Variants in PPP6R2 observed in about 807,000 individuals in gnomAD.
The protein encoded by PPP6R2 is serine/threonine-protein phosphatase 6 regulatory subunit 2.
PPP6R2 carries 62 observed loss-of-function variants against 100.2 expected under a neutral mutation model. The ratio of observed to expected loss-of-function variants is 0.62; its 90% CI spans 0.50 to 0.76. PPP6R2 has a LOEUF of 0.76. Ranked by LOEUF, PPP6R2 falls within the 30% of genes least tolerant of loss-of-function variation. PPP6R2 has a pLI of 0.00. For missense variants in PPP6R2, 1,142 were observed against 1,276.3 expected, an observed-to-expected ratio of 0.89 and a Z score of 1.60; for synonymous variants, 525 against 514.7, an observed-to-expected ratio of 1.02 and a Z score of -0.27.
chr22:50,418,431 G>A (rs907039250), intron 6 of PPP6R2, among the ~76,000 whole-genome samples: 1 of 151,628 alleles, frequency 6.6e-6, no homozygotes, highest in Non-Finnish European at 1.5e-5. Context: ...TGTCACCCAG[G>A]CTGGAGTGCA....
intron 22 of PPP6R2, among the ~76,000 whole-genome samples, chr22:50,442,696 T>C (rs990620418): frequency 1.2e-4 from 18 of 152,084 alleles, no homozygotes; most frequent in South Asian, 6.2e-4. Context: ...ACTACAGGCA[T>C]CCGCCACCAC....
intron 1 of PPP6R2, among the ~76,000 whole-genome samples, chr22:50,359,892 G>A (rs771421249): frequency 3.9e-5 from 6 of 152,154 alleles, no homozygotes; most frequent in Non-Finnish European, 7.4e-5. Flanking sequence ...ATTTCTATCC[G>A]GGATTATTTT....
the PPP6R2 span, among the ~76,000 whole-genome samples, chr22:50,337,312 GCCTGCAT>G: frequency 7.4e-6 from 1 of 135,870 alleles, no homozygotes; most frequent in African/African-American, 2.8e-5. Flanking sequence ...GTGTGTGTGC[GCCTGCAT>G]GTGTGTGTGG....
At chr22:50,439,892 G>T in intron 20 of PPP6R2, 35 bp downstream of exon 20, 3 of 1,608,036 alleles carry the variant, frequency 1.9e-6, no homozygotes, top group Non-Finnish European at 2.6e-6. Flanking sequence ...GGCTGTGCCA[G>T]GAAGTGCCTG....
rs1011282390 is a variant in PPP6R2, at chr22:50,423,729, G to A, written c.1125+115G>A. 4 of 1,335,232 alleles carry A rather than the reference G, an allele frequency of 3.0e-6. No homozygotes were observed. Among genetic ancestry groups the A allele is most frequent in the Middle Eastern group, 2.0e-4 (1 of 5,038 alleles). 82.7% of individuals were successfully genotyped at this position (1,335,232 alleles called of 1,614,324 possible). ...GCATTTGGACAAAGCTCTGCCACGG[G>A]GAGGTTCCAGTCCCAAGTCCCAAGG... On this transcript the variant is annotated intron_variant, in intron 10 of 23. Coordinates refer to ENST00000612753, the MANE Select transcript of PPP6R2 (RefSeq NM_001242898.2). The surrounding 1 kb of genome is among the most constrained non-coding windows in gnomAD (Gnocchi z 4.8).
At chr22:50,372,353 C>T (rs1244682946) in intron 2 of PPP6R2, among the ~76,000 whole-genome samples, 1 of 151,996 alleles carries the variant, frequency 6.6e-6, no homozygotes, top group Non-Finnish European at 1.5e-5. Flanking sequence ...AGTTCGAGAC[C>T]AGCCTGACCA....
Position 50,436,837 on chromosome 22 carries a change from AGCACG to A in PPP6R2, c.1603-148_1603-144del, listed in dbSNP as rs532355953. The A allele has an allele frequency of 9.3e-5, 65 of 695,734 alleles. No homozygotes were observed. The East Asian group carries it at 1.5e-3, about 16-fold the overall frequency. The allele number at this position is 695,734 out of a possible 1,614,324, so 43.1% of individuals were successfully genotyped here. A position where few individuals can be genotyped will look rare whatever the true frequency, so the allele number is the denominator to read the frequency against. On this transcript the variant is annotated intron_variant, in intron 14 of 23. Transcript: ENST00000612753. ...GCCTCACCTAGGCACCTCCTTACAC[AGCACG>A]GCCTCCTGGGCCCAGAGATCTGATG...
At chr22:50,398,771 T>C (rs2057540332) in intron 3 of PPP6R2, among the ~76,000 whole-genome samples, 1 of 152,102 alleles carries the variant, frequency 6.6e-6, no homozygotes. Context: ...TGCCTCGGCC[T>C]CCCAAAGTGC....
intron 2 of PPP6R2, among the ~76,000 whole-genome samples, chr22:50,378,841 C>A (rs903067039): frequency 6.0e-5 from 9 of 150,344 alleles, no homozygotes; most frequent in African/African-American, 2.2e-4. Context: ...GATTGCACTG[C>A]TGCACTCCTG....
rs1430064433 is a variant in PPP6R2, at chr22:50,429,119, C to T, written c.1126-2054C>T. Reference sequence around the variant, plus strand: ...GATCTTGGCTCACGGCAACCGCCGCCTCCTGGGCTCAGGCGATTCTCCTGC... The same window carrying T: ...GATCTTGGCTCACGGCAACCGCCGCTTCCTGGGCTCAGGCGATTCTCCTGC... On this transcript the variant is annotated intron_variant, in intron 10 of 23. Transcript: ENST00000612753. Among the ~76,000 whole-genome samples the T allele has an allele frequency of 2.6e-5, 4 of 152,140 alleles. No individual in the cohort carries two copies. In the East Asian group the frequency reaches 5.8e-4, roughly 22 times the overall value.
At chr22:50,394,156 G>A (rs374601413) in intron 3 of PPP6R2, 21 bp downstream of exon 3, 43 of 1,609,450 alleles carry the variant, frequency 2.7e-5, no homozygotes, top group South Asian at 3.3e-5. Flanking sequence ...AAGCTGTGAC[G>A]GGCCAGTACG....
intron 10 of PPP6R2, among the ~76,000 whole-genome samples, chr22:50,424,699 G>A (rs1261965363): frequency 1.4e-5 from 2 of 144,068 alleles, no homozygotes; most frequent in African/African-American, 2.5e-5. Context: ...GTGCAGTGGC[G>A]GGACCTTGGC....
At chr22:50,355,356 G>T (rs542462463) in intron 1 of PPP6R2, among the ~76,000 whole-genome samples, 1 of 149,794 alleles carries the variant, frequency 6.7e-6, no homozygotes, top group South Asian at 2.1e-4. Context: ...TCCTGCCTCA[G>T]CCTCTCCGAG....
At chr22:50,428,522 G>A (rs2062592858) in intron 10 of PPP6R2, among the ~76,000 whole-genome samples, 1 of 152,182 alleles carries the variant, frequency 6.6e-6, no homozygotes, top group South Asian at 2.1e-4. Context: ...ACCAGCCTGG[G>A]CAACATAGTG....
At chr22:50,397,978 G>A (rs1328538395) in intron 3 of PPP6R2, among the ~76,000 whole-genome samples, 3 of 151,044 alleles carry the variant, frequency 2.0e-5, no homozygotes, top group East Asian at 1.9e-4. Context: ...GGGGCAGGGG[G>A]GCCTGTCCTC....
intron 22 of PPP6R2, 24 bp from the exon 23 acceptor site, chr22:50,443,842 C>A: frequency 6.4e-7 from 1 of 1,555,276 alleles, no homozygotes; most frequent in Non-Finnish European, 8.7e-7. Context: ...GTGCCCGTAA[C>A]CGGAGTCCAT....
chr22:50,351,161 C>T (rs2045119558), intron 1 of PPP6R2, among the ~76,000 whole-genome samples: 1 of 143,384 alleles, frequency 7.0e-6, no homozygotes, highest in Non-Finnish European at 1.5e-5. Flanking sequence ...CTGCCTCAGC[C>T]TCCCTAGTGG....
Position 50,438,297 on chromosome 22 carries a change from A to C in PPP6R2, c.1963A>C (p.Arg655=). The C allele has an allele frequency of 6.2e-7, 1 of 1,611,020 alleles. No individual in the cohort carries two copies. Among genetic ancestry groups the C allele is most frequent in the Non-Finnish European group, 8.5e-7 (1 of 1,178,666 alleles). Reference sequence around the variant, plus strand: ...TGCTGCCCGGGTGATGGCCAGACCCAGGTGCGGGGCCTGCCCATCCCCACA... The same window carrying C: ...TGCTGCCCGGGTGATGGCCAGACCCCGGTGCGGGGCCTGCCCATCCCCACA... The part of the protein sequence containing the change: ...RCAARVMARP[R]FGAPHASESC... The change falls in exon 18 of 24, where the codon AGG becomes CGG. Residue 655 remains arginine, a splice_region_variant and synonymous_variant. Coordinates refer to ENST00000612753, the MANE Select transcript of PPP6R2 (RefSeq NM_001242898.2).
At chr22:50,416,009 C>T (rs1203072695) in intron 5 of PPP6R2, 83 bp from the exon 6 acceptor site, 2 of 1,258,290 alleles carry the variant, frequency 1.6e-6, no homozygotes, top group Non-Finnish European at 2.3e-6. Context: ...AAAACGGGTG[C>T]AGTGCTGCAC....
Sources: gnomAD v4.1 joint callset for allele counts (sites outside exome capture counted in the v4.1 genomes callset) on GRCh38, gnomAD v4.1.1 for gene constraint, Gnocchi (gnomAD v3.1) non-coding constraint, MANE v1.5 for transcripts, NCBI Gene and HGNC (gene_info 2026-07-23, HGNC 2026-07-21) for gene names.